THSD4: variants seen among roughly 807,000 people sequenced by gnomAD.
THSD4 encodes thrombospondin type-1 domain-containing protein 4.
In THSD4, 69 loss-of-function variants were observed where a neutral mutation model predicts 119.0. The observed-to-expected ratio is 0.58, with a 90% CI of 0.48 to 0.71. The LOEUF (loss-of-function observed/expected upper bound fraction) is 0.71, where lower values mean the gene tolerates loss of function less well. Ranked by LOEUF, THSD4 falls within the 30% of genes least tolerant of loss-of-function variation. The pLI is 0.00. For missense variants in THSD4, 1,393 were observed against 1,391.1 expected, an observed-to-expected ratio of 1.00 and a Z score of -0.02; for synonymous variants, 524 against 540.4, an observed-to-expected ratio of 0.97 and a Z score of 0.42.
chr15:71,773,594 A>G (rs1013410906), intron 17 of THSD4, among the ~76,000 whole-genome samples: 3 of 152,256 alleles, frequency 2.0e-5, no homozygotes, highest in Non-Finnish European at 4.4e-5. Context: ...AAGCCTTGGT[A>G]TTCTTTGATG....
At position 71,372,310 on chromosome 15, in the gene THSD4, C is replaced by T. The variant is rs765529779; in HGVS notation, c.1016-39377C>T. Among the ~76,000 whole-genome samples, 40 of 152,300 alleles carry T rather than the reference C, an allele frequency of 2.6e-4. 1 individual carries two copies. Among genetic ancestry groups the T allele is most frequent in the Admixed American group, 3.3e-4 (5 of 15,294 alleles). On this transcript the variant is annotated intron_variant, in intron 6 of 17. Coordinates refer to ENST00000261862, the MANE Select transcript of THSD4 (RefSeq NM_024817.3). ...AGTCATTCTCCATCCAGCTTTGTTCCGTTGCTGGCGAGGAGCTGCTTTCCT... is the reference window on the plus strand; with the variant it reads ...AGTCATTCTCCATCCAGCTTTGTTCTGTTGCTGGCGAGGAGCTGCTTTCCT...
In THSD4 at chr15:71,561,917, CACAA is replaced by C. The variant is rs1188610976; in HGVS notation, c.1153-98609_1153-98606del. On this transcript the variant is annotated intron_variant, in intron 7 of 17. Transcript: ENST00000261862. ...ACACACACACACACACACACACACACACAAACACTCACTCACTCTCTCTCTTCTC... is the reference window on the plus strand; with the variant it reads ...ACACACACACACACACACACACACACACACTCACTCACTCTCTCTCTTCTC... Among the ~76,000 whole-genome samples the C allele has an allele frequency of 2.4e-3, 84 of 34,380 alleles. 1 individual carries two copies. Among genetic ancestry groups the C allele is most frequent in the African/African-American group, 0.012 (62 of 5,268 alleles). 22.6% of individuals were successfully genotyped at this position (34,380 alleles called of 152,430 possible). A position where few individuals can be genotyped will look rare whatever the true frequency, so the allele number is the denominator to read the frequency against.
intron 5 of THSD4, among the ~76,000 whole-genome samples, chr15:71,251,705 A>C (rs960918896): frequency 6.6e-6 from 1 of 152,138 alleles, no homozygotes; most frequent in Non-Finnish European, 1.5e-5. Context: ...GCACCGCTAC[A>C]TTGGAGATGA....
In THSD4 at chr15:71,745,190, C is replaced by T. The variant is rs965774203; in HGVS notation, c.1991C>T (p.Pro664Leu). Residue 664 changes from proline to leucine, a missense_variant, in exon 12 of 18, where the codon CCG becomes CTG. Pro to Leu is a moderately conservative substitution (Grantham distance 98, BLOSUM62 -3). Transcript: ENST00000261862. The part of the protein sequence containing the change: ...PESYCDSSMK[P>L]TPEEEPCNIF... ...AGTTACTGTGACTCCAGCATGAAGC[C>T]GACCCCCGAGGAGGAGCCCTGCAAC... The T allele has an allele frequency of 2.0e-5, 33 of 1,613,156 alleles. No individual in the cohort carries two copies. The highest frequency in any genetic ancestry group is 8.9e-5 in the East Asian group (4 of 44,890).
intron 6 of THSD4, among the ~76,000 whole-genome samples, chr15:71,303,775 C>T (rs1457747663): frequency 6.6e-6 from 1 of 152,158 alleles, no homozygotes; most frequent in African/African-American, 2.4e-5. Flanking sequence ...ATTGTAGTGA[C>T]TCTGGCATGG....
At chr15:71,253,581 G>T (rs2044282898) in intron 5 of THSD4, among the ~76,000 whole-genome samples, 1 of 151,956 alleles carries the variant, frequency 6.6e-6, no homozygotes, top group South Asian at 2.1e-4. Flanking sequence ...CTAATTTTTT[G>T]TATTTTTAAT....
At chr15:71,272,577 G>A (rs532279549) in intron 6 of THSD4, among the ~76,000 whole-genome samples, 1 of 151,968 alleles carries the variant, frequency 6.6e-6, no homozygotes, top group Admixed American at 6.6e-5. Context: ...TCTCATGCCT[G>A]TTAGAATGGC....
chr15:71,578,844 CT>C (rs373480493), intron 7 of THSD4, among the ~76,000 whole-genome samples: 2,173 of 132,200 alleles, frequency 0.016, 46 homozygotes, highest in African/African-American at 0.053. Flanking sequence ...ACTGCATTAA[CT>C]TTTTTTTTTT....
intron 7 of THSD4, among the ~76,000 whole-genome samples, chr15:71,508,232 G>C (rs548684122): frequency 0.014 from 2,116 of 152,192 alleles, 18 homozygotes; most frequent in Middle Eastern, 0.051. Context: ...GCTTTGTTTT[G>C]CCCTGGGTTA....
At chr15:71,524,215 AG>A (rs780712198) in intron 7 of THSD4, among the ~76,000 whole-genome samples, 78 of 152,358 alleles carry the variant, frequency 5.1e-4, no homozygotes, top group Non-Finnish European at 5.4e-4. Flanking sequence ...CTTGTTTCCA[AG>A]ACCCCTGCCA....
chr15:71,244,320 A>C (rs1443705541), intron 5 of THSD4, among the ~76,000 whole-genome samples: 1 of 152,218 alleles, frequency 6.6e-6, no homozygotes, highest in Non-Finnish European at 1.5e-5. Context: ...TTAAGAGGTT[A>C]AATTTCTGAG....
rs554342816 is a variant in THSD4, at chr15:71,562,853, C to T, written c.1153-97677C>T. 3.3e-5 allele frequency among the ~76,000 whole-genome samples: 5 copies of T among 152,252 alleles called. 1 individual carries two copies. The highest frequency in any genetic ancestry group is 9.6e-5 in the African/African-American group (4 of 41,552). ...GAGTAGCTGGGATTGCAGGCATGTG[C>T]CACCATGCTCGGCTAATTTTTTGTA... On this transcript the variant is annotated intron_variant, in intron 7 of 17. Coordinates refer to ENST00000261862, the MANE Select transcript of THSD4 (RefSeq NM_024817.3).
At position 71,215,152 on chromosome 15, in the gene THSD4, G is replaced by A. The variant is rs1457275464; in HGVS notation, c.217G>A (p.Val73Met). The change falls in exon 4 of 18, where the codon GTG (valine) becomes ATG (methionine). Residue 73 changes from valine to methionine, a missense_variant. Coordinates refer to ENST00000261862, the MANE Select transcript of THSD4 (RefSeq NM_024817.3). Reference sequence around the variant, plus strand: ...CTGCTCGCGTAGCTGCAGCGGCGGCGTGATGGAGCAGACGCGGCCCTGCCT... The same window carrying A: ...CTGCTCGCGTAGCTGCAGCGGCGGCATGATGGAGCAGACGCGGCCCTGCCT... ...SACSRSCSGGVMEQTRPCLPR... is the reference protein window; with the variant it reads ...SACSRSCSGGMMEQTRPCLPR... 21 of 1,372,838 alleles carry A rather than the reference G, an allele frequency of 1.5e-5. No individual in the cohort carries two copies. The highest frequency in any genetic ancestry group is 2.7e-4 in the Middle Eastern group (1 of 3,700). 85.0% of individuals were successfully genotyped at this position (1,372,838 alleles called of 1,614,324 possible).
chr15:71,754,905 G>A (rs1210600316), intron 14 of THSD4, among the ~76,000 whole-genome samples: 1 of 152,200 alleles, frequency 6.6e-6, no homozygotes, highest in African/African-American at 2.4e-5. Context: ...GAAAGGGGCT[G>A]GGGCTTCTAG....
chr15:71,354,037 C>T (rs972039811), intron 6 of THSD4, among the ~76,000 whole-genome samples: 1 of 152,300 alleles, frequency 6.6e-6, no homozygotes, highest in Non-Finnish European at 1.5e-5. Context: ...TAGCTCATGC[C>T]CATAATCCCA....
intron 3 of THSD4, among the ~76,000 whole-genome samples, chr15:71,155,544 T>G (rs2040768369): frequency 6.6e-6 from 1 of 152,186 alleles, no homozygotes; most frequent in African/African-American, 2.4e-5. Flanking sequence ...CAGTGCCAGC[T>G]TTGCAACATG....
At chr15:71,675,247 C>T (rs1050975933) in intron 8 of THSD4, among the ~76,000 whole-genome samples, 1 of 152,102 alleles carries the variant, frequency 6.6e-6, no homozygotes, top group Non-Finnish European at 1.5e-5. Context: ...TTTCTTAATA[C>T]ATGGCAGAAG....
intron 6 of THSD4, among the ~76,000 whole-genome samples, chr15:71,264,686 G>A (rs2044444015): frequency 6.6e-6 from 1 of 152,088 alleles, no homozygotes; most frequent in African/African-American, 2.4e-5. Context: ...TAACAAAATG[G>A]ATTTTACAAG....
chr15:71,691,662 A>T (rs928369721), intron 8 of THSD4, among the ~76,000 whole-genome samples: 4 of 152,140 alleles, frequency 2.6e-5, no homozygotes, highest in African/African-American at 9.7e-5. Context: ...CTCTCAACAC[A>T]TGGTCTCTTT....
Sources: gnomAD v4.1 joint callset for allele counts (sites outside exome capture counted in the v4.1 genomes callset) on GRCh38, gnomAD v4.1.1 for gene constraint, MANE v1.5 for transcripts, NCBI Gene and HGNC (gene_info 2026-07-23, HGNC 2026-07-21) for gene names.